STAT5B: variants seen among roughly 807,000 people sequenced by gnomAD.
The protein encoded by STAT5B is signal transducer and activator of transcription 5B.
A neutral mutation model predicts 107.8 loss-of-function variants in STAT5B; 21 were observed. That is an observed-to-expected ratio of 0.19 (90% CI 0.14 to 0.28). STAT5B has a LOEUF of 0.28. STAT5B is among the 10% of genes least tolerant of loss of function. STAT5B has a pLI of 1.00. For missense variants in STAT5B, 565 were observed against 1,008.2 expected (o/e 0.56, Z 5.95); for synonymous variants, 325 against 401.7 (o/e 0.81, Z 2.28).
intron 1 of STAT5B, among the ~76,000 whole-genome samples, chr17:42,244,254 ATTTTTTTTTT>A (rs556581450): frequency 1.5e-5 from 2 of 132,066 alleles, no homozygotes; most frequent in African/African-American, 5.7e-5. Context: ...TGCCCGGCTA[ATTTTTTTTTT>A]TTTTTTTTTA....
intron 1 of STAT5B, among the ~76,000 whole-genome samples, chr17:42,258,654 G>A (rs980635384): frequency 2.6e-5 from 4 of 152,224 alleles, no homozygotes; most frequent in African/African-American, 9.6e-5. Flanking sequence ...ACTCCAGCCT[G>A]GGAAACAGAG....
intron 13 of STAT5B, 84 bp downstream of exon 13, chr17:42,211,900 A>G (rs2080132596): frequency 7.1e-6 from 11 of 1,543,922 alleles, no homozygotes; most frequent in Non-Finnish European, 8.8e-6. Flanking sequence ...GACATGAAGA[A>G]TAAGGGCCCA....
chr17:42,273,648 C>A (rs2080739464), intron 1 of STAT5B, among the ~76,000 whole-genome samples: 1 of 152,168 alleles, frequency 6.6e-6, no homozygotes, highest in East Asian at 1.9e-4. Flanking sequence ...AATAGTTAGG[C>A]TTCCTTCGAT....
chr17:42,211,421 G>C (rs989608753), intron 13 of STAT5B, among the ~76,000 whole-genome samples: 27 of 152,006 alleles, frequency 1.8e-4, no homozygotes, highest in Admixed American at 1.4e-3. Flanking sequence ...CAGGAGAATC[G>C]CTTGAAACCA....
At chr17:42,217,793 C>T (rs1454438669) in intron 9 of STAT5B, 4 of 441,314 alleles carry the variant, frequency 9.1e-6, no homozygotes, top group Non-Finnish European at 1.2e-5. Flanking sequence ...CAATCTCTGC[C>T]TCCCAGGTTC....
upstream of STAT5B, among the ~76,000 whole-genome samples, chr17:42,280,224 C>T (rs567697722): frequency 6.6e-6 from 1 of 152,242 alleles, no homozygotes; most frequent in Admixed American, 6.5e-5. Context: ...GGTCTCATCC[C>T]TTAGTGCACC....
At chr17:42,267,995 A>G (rs1247407438) in intron 1 of STAT5B, among the ~76,000 whole-genome samples, 2 of 152,142 alleles carry the variant, frequency 1.3e-5, no homozygotes, top group Non-Finnish European at 2.9e-5. Context: ...TTACAAAGTA[A>G]AAGTATTACA....
chr17:42,207,654 C>T lies in STAT5B; in HGVS notation c.1981G>A (p.Gly661Arg). 6.2e-7 allele frequency: 1 copy of T among 1,614,076 alleles called. No individual in the cohort carries two copies. Among genetic ancestry groups the T allele is most frequent in the Non-Finnish European group, 8.5e-7 (1 of 1,180,018 alleles). ...FSIRSLADRL[G>R]DLNYLIYVFP... ...ACGTAGATAAGGTAATTCAAGTCTC[C>T]CAAGCGGTCGGCTAGGGACCGAATG... is the stretch of plus-strand genomic sequence containing the variant. Residue 661 changes from glycine to arginine, a missense_variant, in exon 16 of 19, where the codon GGA (glycine) becomes AGA (arginine). This residue lies in a region of STAT5B where 38 missense variants were observed against 79.5 expected (regional missense o/e 0.48). Coordinates refer to ENST00000293328, the MANE Select transcript of STAT5B (RefSeq NM_012448.4).
At position 42,238,451 on chromosome 17, in the gene STAT5B, CT is replaced by C. The variant is rs75642417; in HGVS notation, c.-10-6315del. 7.4e-3 allele frequency among the ~76,000 whole-genome samples: 926 copies of C among 124,830 alleles called. 3 individuals carry two copies. The highest frequency in any genetic ancestry group is 0.022 in the African/African-American group (684 of 31,408). The allele number at this position is 124,830 out of a possible 152,430, so 81.9% of individuals were successfully genotyped here. A position where few individuals can be genotyped will look rare whatever the true frequency, so the allele number is the denominator to read the frequency against. Reference sequence around the variant, plus strand: ...AGAGGCACAAGCCATTGTGCCTGGCCTTTTTTTTTTTTTTTTTTTTTAAGGC... The same window carrying C: ...AGAGGCACAAGCCATTGTGCCTGGCCTTTTTTTTTTTTTTTTTTTTAAGGC... On this transcript the variant is annotated intron_variant, in intron 1 of 18. Transcript: ENST00000293328.
intron 1 of STAT5B, among the ~76,000 whole-genome samples, chr17:42,266,322 C>T (rs1056326381): frequency 6.6e-6 from 1 of 151,558 alleles, no homozygotes; most frequent in Admixed American, 6.6e-5. Context: ...GAGCTCAGGA[C>T]TTTGAGACCA....
rs958018860 is a variant in STAT5B, at chr17:42,214,534, G to A, written c.1473+1480C>T. On this transcript the variant is annotated intron_variant, in intron 12 of 18. Coordinates refer to ENST00000293328, the MANE Select transcript of STAT5B (RefSeq NM_012448.4). ...CATTTCACCTTCTTTACACACAACT[G>A]GAAGGTAACCCATGCTGTCCATGCT... The A allele has an allele frequency of 1.4e-5, 14 of 985,304 alleles. No homozygotes were observed. In the African/African-American group the frequency reaches 2.4e-4, roughly 17 times the overall value. The allele number at this position is 985,304 out of a possible 1,614,324, so 61.0% of individuals were successfully genotyped here.
At chr17:42,236,534 C>T (rs1052501990) in intron 1 of STAT5B, among the ~76,000 whole-genome samples, 3 of 152,142 alleles carry the variant, frequency 2.0e-5, no homozygotes, top group Admixed American at 6.5e-5. Flanking sequence ...CTCTGCCTCC[C>T]GAGTTCAAGC....
intron 16 of STAT5B, among the ~76,000 whole-genome samples, chr17:42,207,348 G>A (rs910053960): frequency 6.6e-6 from 1 of 151,896 alleles, no homozygotes; most frequent in Non-Finnish European, 1.5e-5. Context: ...TGATATTTGG[G>A]GTTAGTGGTA....
intron 1 of STAT5B, among the ~76,000 whole-genome samples, chr17:42,236,722 C>A (rs1319737152): frequency 6.6e-6 from 1 of 152,204 alleles, no homozygotes; most frequent in African/African-American, 2.4e-5. Context: ...CAGGCGTGAG[C>A]CAGCGTGCCT....
At chr17:42,282,535 G>C in the STAT5B span, among the ~76,000 whole-genome samples, 1 of 152,092 alleles carries the variant, frequency 6.6e-6, no homozygotes, top group Admixed American at 6.6e-5. Context: ...TGCTGAGTCT[G>C]TGCTGGCTTG....
intron 15 of STAT5B, among the ~76,000 whole-genome samples, chr17:42,209,222 A>G (rs974371210): frequency 2.7e-5 from 4 of 150,306 alleles, no homozygotes; most frequent in South Asian, 2.1e-4. Flanking sequence ...TAACTTATTT[A>G]TTTATTTATT....
At chr17:42,206,152 C>A (rs974478671) in intron 16 of STAT5B, among the ~76,000 whole-genome samples, 1 of 152,148 alleles carries the variant, frequency 6.6e-6, no homozygotes, top group African/African-American at 2.4e-5. Context: ...CAACTTCTGC[C>A]TCCCTGGTTC....
At chr17:42,209,314 C>T (rs1397031497) in intron 15 of STAT5B, among the ~76,000 whole-genome samples, 1 of 152,054 alleles carries the variant, frequency 6.6e-6, no homozygotes, top group African/African-American at 2.4e-5. Flanking sequence ...CTGAGGCTCC[C>T]AAAGTGCTGG....
chr17:42,225,365 A>G (rs2080264835), intron 3 of STAT5B, among the ~76,000 whole-genome samples: 1 of 152,192 alleles, frequency 6.6e-6, no homozygotes, highest in African/African-American at 2.4e-5. Context: ...TATCCGGGGA[A>G]CATTCTTAAA....
Sources: allele counts gnomAD v4.1 joint callset (sites outside exome capture counted in the v4.1 genomes callset), GRCh38; gene constraint gnomAD v4.1.1; regional missense constraint gnomAD v4.1.1; transcripts MANE v1.5; gene names NCBI Gene and HGNC (gene_info 2026-07-23, HGNC 2026-07-21).